The following CDC42BPA variants were observed in gnomAD, a reference collection of about 807,000 sequenced individuals.
CDC42BPA encodes serine/threonine-protein kinase MRCK alpha.
Under a neutral mutation model 223.5 loss-of-function variants are expected in CDC42BPA, and 80 were observed. The observed-to-expected ratio is 0.36, with a 90% confidence interval of 0.30 to 0.43. The LOEUF (loss-of-function observed/expected upper bound fraction) is 0.43, where lower values mean the gene tolerates loss of function less well. Ranked by LOEUF, CDC42BPA falls within the 20% of genes least tolerant of loss-of-function variation. The pLI is 1.00. For missense variants in CDC42BPA, 1,743 were observed against 2,099.9 expected (o/e 0.83, Z 3.32); for synonymous variants, 694 against 718.6 (o/e 0.97, Z 0.55).
intron 1 of CDC42BPA, among the ~76,000 whole-genome samples, chr1:227,296,534 C>T (rs142516003): frequency 0.066 from 9,975 of 151,686 alleles, 419 homozygotes; most frequent in East Asian, 0.17. Flanking sequence ...GGTGAAACCC[C>T]GCATCTACTA....
chr1:227,016,272 A>G, intron 33 of CDC42BPA, 75 bp from the exon 34 acceptor site: 3 of 791,676 alleles, frequency 3.8e-6, no homozygotes, highest in Non-Finnish European at 6.6e-6. Flanking sequence ...ATTAAGCTTA[A>G]TTTTCTTAAT....
At chr1:227,295,023 T>C (rs1690424057) in intron 1 of CDC42BPA, among the ~76,000 whole-genome samples, 1 of 151,816 alleles carries the variant, frequency 6.6e-6, no homozygotes, top group African/African-American at 2.4e-5. Context: ...AGCACAAAAA[T>C]GACAAATCTG....
Position 227,031,282 on chromosome 1 carries a change from T to C in CDC42BPA, c.3775+16A>G, listed in dbSNP as rs1383052827. ...TAAACAATGATAATAATATGATAAA[T>C]GTTATAAATTCATACCTATGATTGC... On this transcript the variant is annotated intron_variant, in intron 28 of 36. Transcript: ENST00000366766. 1 of 1,576,404 alleles carries C rather than the reference T, an allele frequency of 6.3e-7. No individual in the cohort carries two copies. Among genetic ancestry groups the C allele is most frequent in the Admixed American group, 1.7e-5 (1 of 59,638 alleles).
chr1:227,139,314 C>A (rs2149605330), intron 10 of CDC42BPA, among the ~76,000 whole-genome samples: 1 of 152,148 alleles, frequency 6.6e-6, no homozygotes, highest in Middle Eastern at 3.4e-3. Flanking sequence ...TCCCATTTCC[C>A]CATCCCCAAA....
At chr1:227,126,474 A>AGGAAGGAAGGAAGGAAGGAG (rs1689626954) in intron 11 of CDC42BPA, among the ~76,000 whole-genome samples, 1 of 42,004 alleles carries the variant, frequency 2.4e-5, no homozygotes, top group African/African-American at 1.1e-4. Context: ...AAAGGAAGGA[A>AGGAAGGAAGGAAGGAAGGAG]GGAAGGAAGG....
At chr1:227,112,623 C>T in intron 13 of CDC42BPA, 48 bp downstream of exon 13, 2 of 1,563,194 alleles carry the variant, frequency 1.3e-6, no homozygotes, top group Non-Finnish European at 1.7e-6. Flanking sequence ...CAAAAAGCAG[C>T]TTTAATCACT....
chr1:227,057,761 CATAGA>C (rs1674901068), intron 21 of CDC42BPA, among the ~76,000 whole-genome samples: 1 of 152,064 alleles, frequency 6.6e-6, no homozygotes, highest in Non-Finnish European at 1.5e-5. Flanking sequence ...ATTCATATCT[CATAGA>C]ATAAAGACAT....
chr1:227,065,633 A>T (rs1353131105), intron 21 of CDC42BPA, among the ~76,000 whole-genome samples: 1 of 152,222 alleles, frequency 6.6e-6, no homozygotes, highest in Non-Finnish European at 1.5e-5. Flanking sequence ...AGGAAAAAAT[A>T]GGGATGGGAA....
chr1:227,234,042 A>G (rs1239781803), intron 2 of CDC42BPA, among the ~76,000 whole-genome samples: 1 of 152,136 alleles, frequency 6.6e-6, no homozygotes, highest in African/African-American at 2.4e-5. Context: ...ATGTCCTTAA[A>G]ATATTTTTTT....
intron 24 of CDC42BPA, among the ~76,000 whole-genome samples, chr1:227,038,180 G>T (rs1201590714): frequency 1.8e-5 from 2 of 113,416 alleles, no homozygotes; most frequent in Admixed American, 7.9e-5. Context: ...TAAGTCTCGT[G>T]AAATCTGATG....
chr1:227,138,014 T>C (rs1016644325), intron 10 of CDC42BPA, among the ~76,000 whole-genome samples: 2 of 147,924 alleles, frequency 1.4e-5, no homozygotes, highest in East Asian at 4.0e-4. Context: ...GCTATATGTG[T>C]ATCACCACAG....
chr1:227,072,146 T>C (rs1678519462), intron 20 of CDC42BPA, 62 bp downstream of exon 20: 12 of 914,056 alleles, frequency 1.3e-5, no homozygotes, highest in Non-Finnish European at 1.9e-5. Flanking sequence ...GATTCTTCTG[T>C]AATAAAATAT....
At chr1:227,126,575 T>G (rs532384761) in intron 11 of CDC42BPA, among the ~76,000 whole-genome samples, 3 of 151,886 alleles carry the variant, frequency 2.0e-5, no homozygotes, top group South Asian at 4.2e-4. Context: ...ATCCTTCATG[T>G]ATATAGATGC....
intron 2 of CDC42BPA, among the ~76,000 whole-genome samples, chr1:227,253,181 AAGAG>A (rs954166760): frequency 3.3e-5 from 5 of 151,362 alleles, no homozygotes; most frequent in East Asian, 3.9e-4. Context: ...TCCTGGAAAA[AAGAG>A]AGAGAGAGAG....
chr1:227,013,748 A>G (rs17600627), intron 34 of CDC42BPA, among the ~76,000 whole-genome samples: 59,040 of 151,846 alleles, frequency 0.39, 11,948 homozygotes, highest in Non-Finnish European at 0.46. Flanking sequence ...TTAAATTTTA[A>G]AAGACTATCT....
intron 5 of CDC42BPA, among the ~76,000 whole-genome samples, chr1:227,162,968 GTGTATGTTTCCAAACA>G (rs943339946): frequency 1.3e-4 from 13 of 98,614 alleles, no homozygotes; most frequent in Non-Finnish European, 2.5e-4. Context: ...TTCCAAACGT[GTGTATGTTTCCAAACA>G]TGTTTCCAAA....
chr1:227,135,826 C>T (rs1658389320), intron 10 of CDC42BPA, among the ~76,000 whole-genome samples: 1 of 114,878 alleles, frequency 8.7e-6, no homozygotes, highest in African/African-American at 3.4e-5. Flanking sequence ...TGCACTCCAG[C>T]CTGGGCGACA....
At chr1:227,007,294 A>C (rs567847772) in intron 34 of CDC42BPA, among the ~76,000 whole-genome samples, 18 of 152,248 alleles carry the variant, frequency 1.2e-4, no homozygotes, top group Non-Finnish European at 1.8e-4. Flanking sequence ...AATCACACAG[A>C]TAGTAATAGC....
intron 1 of CDC42BPA, among the ~76,000 whole-genome samples, chr1:227,290,031 T>A (rs1349543390): frequency 6.6e-6 from 1 of 152,024 alleles, no homozygotes; most frequent in Non-Finnish European, 1.5e-5. Context: ...ACAGCAAGAC[T>A]CTACCTCTAA....
Sources: gnomAD v4.1 joint callset for allele counts (sites outside exome capture counted in the v4.1 genomes callset) on GRCh38, gnomAD v4.1.1 for gene constraint, MANE v1.5 for transcripts, NCBI Gene and HGNC (gene_info 2026-07-23, HGNC 2026-07-21) for gene names.